The following BMERB1 variants were observed in gnomAD, a reference collection of about 807,000 sequenced individuals.
The protein encoded by BMERB1 is bMERB domain containing 1, also known as bMERB domain-containing protein 1.
A neutral mutation model predicts 23.6 loss-of-function variants in BMERB1; 12 were observed. The observed-to-expected ratio is 0.51, with a 90% CI of 0.33 to 0.82. The LOEUF (loss-of-function observed/expected upper bound fraction) is 0.82, where lower values mean the gene tolerates loss of function less well. BMERB1 is among the 40% of genes least tolerant of loss of function. BMERB1 has a pLI of 0.03. For missense variants in BMERB1, 247 were observed against 255.4 expected, an observed-to-expected ratio of 0.97 and a Z score of 0.22; for synonymous variants, 122 against 96.6, an observed-to-expected ratio of 1.26 and a Z score of -1.54.
chr16:15,476,323 C>T (rs559824942), intron 1 of BMERB1, among the ~76,000 whole-genome samples: 16 of 152,166 alleles, frequency 1.1e-4, no homozygotes, highest in African/African-American at 2.6e-4. Flanking sequence ...CCACCATACC[C>T]GGCTAATTTT....
At chr16:15,579,278 C>T (rs758963994) in intron 3 of BMERB1, among the ~76,000 whole-genome samples, 3 of 152,056 alleles carry the variant, frequency 2.0e-5, no homozygotes, top group Admixed American at 2.0e-4. Context: ...TTGGAGAGGG[C>T]AGGGAGCGGC....
intron 2 of BMERB1, chr16:15,533,232 T>G: frequency 4.4e-6 from 1 of 225,042 alleles, no homozygotes; most frequent in Non-Finnish European, 9.1e-6. Context: ...CTGGTTTCTT[T>G]GTTTGGAAGA....
At chr16:15,500,982 T>C (rs2051523420) in intron 1 of BMERB1, among the ~76,000 whole-genome samples, 1 of 152,124 alleles carries the variant, frequency 6.6e-6, no homozygotes, top group African/African-American at 2.4e-5. Context: ...GGGTAAAATA[T>C]ACATACTGGA....
chr16:15,457,874 T>A (rs2051098516), intron 1 of BMERB1, among the ~76,000 whole-genome samples: 1 of 152,288 alleles, frequency 6.6e-6, no homozygotes, highest in South Asian at 2.1e-4. Context: ...CTCAGGAAAC[T>A]AATAATCATG....
intron 1 of BMERB1, among the ~76,000 whole-genome samples, chr16:15,503,993 A>G (rs535042104): frequency 3.9e-5 from 6 of 152,310 alleles, no homozygotes; most frequent in African/African-American, 1.4e-4. Context: ...ATGCATAGTT[A>G]TTAAATGTAT....
chr16:15,494,163 C>T (rs1448299148), intron 1 of BMERB1, among the ~76,000 whole-genome samples: 1 of 152,136 alleles, frequency 6.6e-6, no homozygotes, highest in Non-Finnish European at 1.5e-5. Flanking sequence ...CAGAATGAAC[C>T]TACAGAAGTG....
intron 2 of BMERB1, among the ~76,000 whole-genome samples, chr16:15,525,327 A>G (rs1316441641): frequency 6.6e-6 from 1 of 152,148 alleles, no homozygotes; most frequent in Non-Finnish European, 1.5e-5. Context: ...TAACACCGTC[A>G]GCTCTCCTGG....
intron 1 of BMERB1, among the ~76,000 whole-genome samples, chr16:15,503,026 C>T (rs1269720010): frequency 6.6e-6 from 1 of 152,168 alleles, no homozygotes; most frequent in Non-Finnish European, 1.5e-5. Flanking sequence ...ATGTTGTATA[C>T]AGTTGGTCCT....
In BMERB1 at chr16:15,512,039, G is replaced by C. The variant is rs895713448; in HGVS notation, c.107-3266G>C. On this transcript the variant is annotated intron_variant, in intron 1 of 5. Transcript: ENST00000300006. ...AAAAAAAAAAAAAAAAAAAAAAAAA[G>C]GGGGAATTGTCTCAGAGAGAATGAA... 5.9e-4 allele frequency among the ~76,000 whole-genome samples: 52 copies of C among 88,240 alleles called. 1 individual carries two copies. The highest frequency in any genetic ancestry group is 1.7e-3 in the African/African-American group (51 of 29,894). The allele number at this position is 88,240 out of a possible 152,430, so 57.9% of individuals were successfully genotyped here.
intron 5 of BMERB1, 33 bp from the exon 6 acceptor site, chr16:15,586,684 T>TC: frequency 1.3e-6 from 2 of 1,529,092 alleles, no homozygotes; most frequent in Non-Finnish European, 1.8e-6. Context: ...TGTTCCTTTC[T>TC]CCCCCTCTCC....
chr16:15,564,664 A>T (rs1049585399), intron 2 of BMERB1, among the ~76,000 whole-genome samples: 1 of 152,252 alleles, frequency 6.6e-6, no homozygotes, highest in Non-Finnish European at 1.5e-5. Context: ...AAGTTAAATG[A>T]ATATTTAAAA....
At chr16:15,478,737 A>G (rs760892084) in intron 1 of BMERB1, among the ~76,000 whole-genome samples, 3 of 152,058 alleles carry the variant, frequency 2.0e-5, no homozygotes, top group African/African-American at 2.4e-5. Flanking sequence ...ACCCCACTCT[A>G]CTCATCTTCA....
At chr16:15,480,488 A>C (rs1416581145) in intron 1 of BMERB1, among the ~76,000 whole-genome samples, 1 of 151,520 alleles carries the variant, frequency 6.6e-6, no homozygotes, top group Non-Finnish European at 1.5e-5. Context: ...TCCTATCCCT[A>C]CTAATTTGTA....
At chr16:15,483,254 G>A (rs527434861) in intron 1 of BMERB1, among the ~76,000 whole-genome samples, 3 of 152,132 alleles carry the variant, frequency 2.0e-5, no homozygotes, top group Non-Finnish European at 1.5e-5. Context: ...GCTAAACTCC[G>A]ATTATTCCTC....
At chr16:15,512,034 A>AAAAAAAAC (rs1317073914) in intron 1 of BMERB1, among the ~76,000 whole-genome samples, 1 of 147,546 alleles carries the variant, frequency 6.8e-6, no homozygotes, top group Non-Finnish European at 1.5e-5. Context: ...AAAAAAAAAA[A>AAAAAAAAC]AAAAGGGGGA....
Position 15,554,618 on chromosome 16 carries a change from G to GT in BMERB1, c.231-13364dup, listed in dbSNP as rs1471353969. Among the ~76,000 whole-genome samples the GT allele has an allele frequency of 2.0e-5, 3 of 149,728 alleles. No homozygotes were observed. In the East Asian group the frequency reaches 5.9e-4, roughly 30 times the overall value. ...GTTCAAGTCCAGCCTGGGCAATATA[G>GT]TAAGACCCTGCCTCTAAAAAAGAAA... On this transcript the variant is annotated intron_variant, in intron 2 of 5. Coordinates refer to ENST00000300006, the MANE Select transcript of BMERB1 (RefSeq NM_033201.3).
intron 1 of BMERB1, among the ~76,000 whole-genome samples, chr16:15,512,759 A>G (rs573365289): frequency 6.6e-6 from 1 of 151,986 alleles, no homozygotes; most frequent in East Asian, 1.9e-4. Flanking sequence ...CGAGCCTGTA[A>G]CCCAAGCTAC....
intron 1 of BMERB1, among the ~76,000 whole-genome samples, chr16:15,495,228 C>G (rs551325025): frequency 6.7e-6 from 1 of 150,262 alleles, no homozygotes; most frequent in African/African-American, 2.5e-5. Context: ...TTGTTTGAGA[C>G]GGAGTTTCGC....
At chr16:15,516,164 C>T (rs372949714) in intron 2 of BMERB1, among the ~76,000 whole-genome samples, 2 of 152,138 alleles carry the variant, frequency 1.3e-5, no homozygotes, top group African/African-American at 4.8e-5. Context: ...TGGCTCACAC[C>T]TGTAATCACA....
Sources: gnomAD v4.1 joint callset for allele counts (sites outside exome capture counted in the v4.1 genomes callset) on GRCh38, gnomAD v4.1.1 for gene constraint, MANE v1.5 for transcripts, NCBI Gene and HGNC (gene_info 2026-07-23, HGNC 2026-07-21) for gene names.